Variants in PREX2 observed in about 807,000 individuals in gnomAD.
The protein encoded by PREX2 is phosphatidylinositol 3,4,5-trisphosphate-dependent Rac exchanger 2 protein.
Under a neutral mutation model 203.2 loss-of-function variants are expected in PREX2, and 107 were observed. The observed-to-expected ratio is 0.53, with a 90% CI of 0.45 to 0.62. The LOEUF is 0.62. Ranked by LOEUF, PREX2 falls within the 20% of genes least tolerant of loss-of-function variation. The probability of loss-of-function intolerance (pLI) is 0.00; values close to 1 mark genes in which losing one functional copy is unlikely to be tolerated. For synonymous variants in PREX2, 672 were observed against 663.6 expected (o/e 1.01, Z -0.19); for missense variants, 1,777 against 1,955.9 (o/e 0.91, Z 1.72).
In PREX2 at chr8:68,080,516, A is replaced by G. The variant is rs1218381361; in HGVS notation, c.1716A>G (p.Ser572=). 2.5e-6 allele frequency: 4 copies of G among 1,612,306 alleles called. No homozygotes were observed. The highest frequency in any genetic ancestry group is 3.4e-6 in the Non-Finnish European group (4 of 1,178,646). ...RFFSDEEMEG[S]NMKHRLMKHD... ...TTTCGGATGAGGAAATGGAGGGATC[A>G]AATATGAAACATCGACTTATGAAAC... Residue 572 remains serine, a synonymous_variant, in exon 16 of 40, where the codon TCA becomes TCG. Coordinates refer to ENST00000288368, the MANE Select transcript of PREX2 (RefSeq NM_024870.4).
intron 1 of PREX2, among the ~76,000 whole-genome samples, chr8:67,989,948 C>A (rs901890360): frequency 6.6e-6 from 1 of 151,984 alleles, no homozygotes; most frequent in African/African-American, 2.4e-5. Flanking sequence ...AGTTTTAAGG[C>A]TTTGTAAACT....
intron 1 of PREX2, among the ~76,000 whole-genome samples, chr8:68,009,505 G>T (rs746512060): frequency 1.3e-5 from 2 of 152,104 alleles, no homozygotes; most frequent in Non-Finnish European, 2.9e-5. Context: ...CAATTTAATA[G>T]AGACATTAAG....
At chr8:68,201,900 ATTTTTTT>A (rs869153263) in intron 37 of PREX2, among the ~76,000 whole-genome samples, 17 of 98,260 alleles carry the variant, frequency 1.7e-4, no homozygotes, top group Non-Finnish European at 3.1e-4. Flanking sequence ...GGTAACACCT[ATTTTTTT>A]TTTTTTTTTT....
Position 68,099,728 on chromosome 8 carries a change from G to C in PREX2, c.2600G>C (p.Cys867Ser), listed in dbSNP as rs142699843. The change falls in exon 23 of 40, where the codon TGT (cysteine) becomes TCT (serine). Residue 867 changes from cysteine to serine, a missense_variant. Transcript: ENST00000288368. Reference protein sequence around the residue: ...AKSDEHFVQNCTSLNSLNEVI... With the variant: ...AKSDEHFVQNSTSLNSLNEVI... ...AGTGATGAGCATTTTGTACAAAACTGTACCAGCCTAAATTCTCTAAATGAA... is the reference window on the plus strand; with the variant it reads ...AGTGATGAGCATTTTGTACAAAACTCTACCAGCCTAAATTCTCTAAATGAA... 6.2e-7 allele frequency: 1 copy of C among 1,613,974 alleles called. No individual in the cohort carries two copies. Among genetic ancestry groups the C allele is most frequent in the Non-Finnish European group, 8.5e-7 (1 of 1,179,968 alleles).
At chr8:68,138,036 ATTTTTGCTTTTCAGATGTTATAAGAT>A (rs1811147712) in intron 32 of PREX2, among the ~76,000 whole-genome samples, 2 of 152,330 alleles carry the variant, frequency 1.3e-5, no homozygotes, top group East Asian at 3.9e-4. Flanking sequence ...ATAAAACAAC[ATTTTTGCTTTTCAGATGTTATAAGAT>A]TTTAGAAGTT....
At chr8:67,988,601 A>C (rs1806504961) in intron 1 of PREX2, among the ~76,000 whole-genome samples, 1 of 152,190 alleles carries the variant, frequency 6.6e-6, no homozygotes, top group South Asian at 2.1e-4. Context: ...TGGACACAGG[A>C]GACTTTTCCC....
Position 67,952,455 on chromosome 8 carries a change from C to A in PREX2, c.61C>A (p.Leu21Ile). 6.3e-7 allele frequency: 1 copy of A among 1,598,942 alleles called. No homozygotes were observed. The highest frequency in any genetic ancestry group is 8.5e-7 in the Non-Finnish European group (1 of 1,173,204). The change falls in exon 1 of 40, where the codon CTT (leucine) becomes ATT (isoleucine). Residue 21 changes from leucine (L) to isoleucine (I), a missense_variant. Coordinates refer to ENST00000288368, the MANE Select transcript of PREX2 (RefSeq NM_024870.4). The part of the protein sequence containing the change: ...AESAKDLEKQ[L>I]RLRVCVLSEL... ...GAGCGCCAAGGACCTGGAGAAGCAG[C>A]TTCGCCTGCGCGTGTGCGTGCTCAG...
In PREX2 at chr8:68,090,626, A is replaced by G. The variant is rs766784798; in HGVS notation, c.2161A>G (p.Lys721Glu). 3.1e-6 allele frequency: 5 copies of G among 1,613,800 alleles called. No individual in the cohort carries two copies. Among genetic ancestry groups the G allele is most frequent in the Non-Finnish European group, 3.4e-6 (4 of 1,179,718 alleles). Residue 721 changes from lysine to glutamate, a missense_variant, in exon 20 of 40, where the codon AAG becomes GAG. Lys to Glu is a moderately conservative substitution (Grantham distance 56). Transcript: ENST00000288368. ...TCTTCACCCTGGACAGTGCATTATCAAGGTGAATGGAATCAATGTCAGCAA... is the reference window on the plus strand; with the variant it reads ...TCTTCACCCTGGACAGTGCATTATCGAGGTGAATGGAATCAATGTCAGCAA... ...AGLHPGQCII[K>E]VNGINVSKET...
intron 17 of PREX2, chr8:68,082,540 T>G (rs919082335): frequency 7.9e-5 from 12 of 152,214 alleles, no homozygotes; most frequent in Non-Finnish European, 1.3e-4. Flanking sequence ...CCCAGGCATT[T>G]TCAGAGGATG....
At chr8:68,224,720 C>A in intron 39 of PREX2, 94 bp downstream of exon 39, 1 of 919,604 alleles carries the variant, frequency 1.1e-6, no homozygotes, top group Non-Finnish European at 1.8e-6. Context: ...CTAGGATGTG[C>A]CCCGTGTCGT....
At chr8:68,220,540 T>C (rs968433329) in intron 38 of PREX2, among the ~76,000 whole-genome samples, 1 of 152,112 alleles carries the variant, frequency 6.6e-6, no homozygotes, top group Admixed American at 6.5e-5. Flanking sequence ...AACAAAGACA[T>C]GAGGTTGACA....
At chr8:67,954,463 A>G (rs1585649585) in intron 1 of PREX2, among the ~76,000 whole-genome samples, 1 of 152,212 alleles carries the variant, frequency 6.6e-6, no homozygotes, top group East Asian at 1.9e-4. Flanking sequence ...AAGTTGATGT[A>G]GTCACTCTGG....
intron 35 of PREX2, among the ~76,000 whole-genome samples, chr8:68,160,948 G>A (rs1304476732): frequency 6.6e-6 from 1 of 151,948 alleles, no homozygotes; most frequent in Non-Finnish European, 1.5e-5. Flanking sequence ...TTCTACCTTT[G>A]CATCAGTGTA....
intron 10 of PREX2, among the ~76,000 whole-genome samples, chr8:68,057,039 A>G (rs139366434): frequency 6.6e-6 from 1 of 152,110 alleles, no homozygotes; most frequent in East Asian, 1.9e-4. Context: ...CCCAAATCTC[A>G]TCTTGAGTTA....
chr8:68,151,105 C>T (rs1451414651), intron 34 of PREX2, among the ~76,000 whole-genome samples: 1 of 152,102 alleles, frequency 6.6e-6, no homozygotes, highest in Non-Finnish European at 1.5e-5. Flanking sequence ...AATTTGGCTA[C>T]ATCTGCAAAA....
At chr8:68,193,520 TTGGC>T (rs1166998227) in intron 37 of PREX2, among the ~76,000 whole-genome samples, 17 of 152,194 alleles carry the variant, frequency 1.1e-4, no homozygotes, top group Admixed American at 1.0e-3. Context: ...GTCAGTGCTG[TTGGC>T]TGTGTAATAT....
chr8:68,081,386 C>T (rs1809517837), intron 17 of PREX2, among the ~76,000 whole-genome samples: 1 of 152,084 alleles, frequency 6.6e-6, no homozygotes, highest in South Asian at 2.1e-4. Context: ...CCATACTGGT[C>T]CGCAGCCTGG....
intron 37 of PREX2, among the ~76,000 whole-genome samples, chr8:68,200,343 C>A (rs183686601): frequency 2.6e-5 from 4 of 152,116 alleles, no homozygotes; most frequent in African/African-American, 9.6e-5. Flanking sequence ...AAAGATAAAT[C>A]TTAATTACTC....
intron 33 of PREX2, among the ~76,000 whole-genome samples, chr8:68,140,561 G>A (rs1380883817): frequency 6.6e-6 from 1 of 152,182 alleles, no homozygotes; most frequent in Non-Finnish European, 1.5e-5. Context: ...CACTGGGATG[G>A]AGACTAGTTG....
Sources: allele counts gnomAD v4.1 joint callset (sites outside exome capture counted in the v4.1 genomes callset), GRCh38; gene constraint gnomAD v4.1.1; transcripts MANE v1.5; gene names NCBI Gene and HGNC (gene_info 2026-07-23, HGNC 2026-07-21).